Variants in GREM2 observed in about 807,000 individuals in gnomAD.
GREM2 encodes the protein gremlin 2, DAN family BMP antagonist.
Under a neutral mutation model 14.2 loss-of-function variants are expected in GREM2, and 11 were observed. The ratio of observed to expected loss-of-function variants is 0.78; its 90% CI spans 0.49 to 1.28. The LOEUF is 1.28. GREM2 is among the 50% of genes most tolerant of loss of function. GREM2 has a pLI of 0.00. For synonymous variants in GREM2, 98 were observed against 97.6 expected, an observed-to-expected ratio of 1.00 and a Z score of -0.02; for missense variants, 210 against 218.5, an observed-to-expected ratio of 0.96 and a Z score of 0.24.
chr1:240,571,565 A>T (rs373382094), intron 1 of GREM2, among the ~76,000 whole-genome samples: 3 of 152,190 alleles, frequency 2.0e-5, no homozygotes, highest in Admixed American at 1.3e-4. Flanking sequence ...GCATGGTGGC[A>T]GGTGCCTGTA....
intron 1 of GREM2, among the ~76,000 whole-genome samples, chr1:240,520,364 AC>A (rs1346343931): frequency 6.6e-6 from 1 of 152,112 alleles, no homozygotes; most frequent in Non-Finnish European, 1.5e-5. Context: ...ACAAATAACC[AC>A]CTCAACCTTT....
At chr1:240,530,599 T>C (rs191812314) in intron 1 of GREM2, 1 of 152,210 alleles carries the variant, frequency 6.6e-6, no homozygotes, top group African/African-American at 2.4e-5. Context: ...AGGAATTACA[T>C]AGAGTTATAA....
intron 1 of GREM2, among the ~76,000 whole-genome samples, chr1:240,611,458 T>G (rs145927221): frequency 6.2e-4 from 94 of 152,258 alleles, no homozygotes; most frequent in African/African-American, 1.9e-3. Flanking sequence ...TGGTTCCTAT[T>G]CCTGTAGGGA....
chr1:240,580,824 T>C (rs10802891), intron 1 of GREM2, among the ~76,000 whole-genome samples: 46,504 of 152,146 alleles, frequency 0.31, 8,846 homozygotes, highest in African/African-American at 0.54. Flanking sequence ...CCTCCTGCCT[T>C]GGACTCCCCA....
rs960704498 is a variant in GREM2, at chr1:240,612,088, G to T, written c.-206C>A. 2 of 152,702 alleles carry T rather than the reference G, an allele frequency of 1.3e-5. No homozygotes were observed. The highest frequency in any genetic ancestry group is 4.8e-5 in the African/African-American group (2 of 41,470). 9.5% of individuals were successfully genotyped at this position (152,702 alleles called of 1,614,324 possible). ...GAGGGTGCAGGAGAGGCGAGAGCGC[G>T]CCCCGCGCCGCGCGGTCCCAGGCTG... On this transcript the variant is annotated 5_prime_UTR_variant, in exon 1 of 2. Transcript: ENST00000318160.
intron 1 of GREM2, among the ~76,000 whole-genome samples, chr1:240,600,928 G>A (rs905326073): frequency 1.3e-5 from 2 of 152,158 alleles, no homozygotes; most frequent in Non-Finnish European, 2.9e-5. Flanking sequence ...TGTTTAGAGT[G>A]CTTGATTAGC....
intron 1 of GREM2, among the ~76,000 whole-genome samples, chr1:240,572,332 C>A (rs1333512405): frequency 1.3e-5 from 2 of 152,164 alleles, no homozygotes; most frequent in African/African-American, 4.8e-5. Flanking sequence ...TTAATCACCT[C>A]TAAAGTGATA....
At position 240,554,872 on chromosome 1, in the gene GREM2, G is replaced by A. The variant is rs146739471; in HGVS notation, c.-2+57012C>T. Among the ~76,000 whole-genome samples, 1,110 of 152,200 alleles carry A rather than the reference G, an allele frequency of 7.3e-3. 18 individuals carry two copies. Among genetic ancestry groups the A allele is most frequent in the African/African-American group, 0.025 (1,043 of 41,520 alleles). On this transcript the variant is annotated intron_variant, in intron 1 of 1. Coordinates refer to ENST00000318160, the MANE Select transcript of GREM2 (RefSeq NM_022469.4). Reference sequence around the variant, plus strand: ...TAATTTAAGAATTGTGGGTGGGTGCGGTGGCTCACGCCTGTAATTCCAGCA... The same window carrying A: ...TAATTTAAGAATTGTGGGTGGGTGCAGTGGCTCACGCCTGTAATTCCAGCA...
At chr1:240,494,543 A>G (rs1677361476) in intron 1 of GREM2, among the ~76,000 whole-genome samples, 1 of 152,246 alleles carries the variant, frequency 6.6e-6, no homozygotes, top group South Asian at 2.1e-4. Flanking sequence ...GAATAATAAC[A>G]TTAGCATTTA....
intron 1 of GREM2, among the ~76,000 whole-genome samples, 184 bp downstream of exon 1, chr1:240,611,700 C>T (rs1219844425): frequency 2.0e-5 from 3 of 152,140 alleles, no homozygotes; most frequent in Admixed American, 2.0e-4. Flanking sequence ...GTGAATAAAC[C>T]TTGTGGCCCC....
At chr1:240,522,753 T>C (rs957186411) in intron 1 of GREM2, among the ~76,000 whole-genome samples, 1 of 152,220 alleles carries the variant, frequency 6.6e-6, no homozygotes, top group Non-Finnish European at 1.5e-5. Flanking sequence ...CACTCTATTG[T>C]TTGGAGTTCC....
chr1:240,497,848 A>T (rs1464586029), intron 1 of GREM2, among the ~76,000 whole-genome samples: 2 of 152,136 alleles, frequency 1.3e-5, no homozygotes, highest in African/African-American at 4.8e-5. Flanking sequence ...TATTTGTGGA[A>T]TGATTTGTGA....
chr1:240,536,640 CG>C (rs1274240115), intron 1 of GREM2, among the ~76,000 whole-genome samples: 2 of 142,366 alleles, frequency 1.4e-5, no homozygotes, highest in South Asian at 2.2e-4. Context: ...AAAATGGCAG[CG>C]GGGGCTGTAG....
intron 1 of GREM2, among the ~76,000 whole-genome samples, chr1:240,597,848 C>T (rs1038316298): frequency 4.6e-5 from 7 of 152,094 alleles, no homozygotes; most frequent in African/African-American, 1.7e-4. Flanking sequence ...CATGCACCCC[C>T]GAAACATTTT....
intron 1 of GREM2, among the ~76,000 whole-genome samples, chr1:240,502,965 T>C (rs1677602803): frequency 1.3e-5 from 2 of 152,190 alleles, no homozygotes; most frequent in African/African-American, 4.8e-5. Flanking sequence ...GAAAAGTTTT[T>C]ATTCCCTGAT....
chr1:240,574,632 C>T (rs16840396), intron 1 of GREM2, among the ~76,000 whole-genome samples: 7,525 of 151,954 alleles, frequency 0.05, 457 homozygotes, highest in African/African-American at 0.14. Context: ...CAAAGTAGGA[C>T]CTGGAATTAC....
intron 1 of GREM2, chr1:240,530,317 C>T (rs182351521): frequency 4.6e-5 from 7 of 152,328 alleles, no homozygotes; most frequent in Non-Finnish European, 1.0e-4. Context: ...AAGTATCTCA[C>T]TGGACTAGCA....
intron 1 of GREM2, among the ~76,000 whole-genome samples, chr1:240,567,453 C>T (rs148965472): frequency 0.011 from 1,630 of 151,940 alleles, 43 homozygotes; most frequent in African/African-American, 0.038. Context: ...TAAAAAAACA[C>T]ATTATATACA....
At chr1:240,598,174 G>C (rs1350213951) in intron 1 of GREM2, among the ~76,000 whole-genome samples, 1 of 152,190 alleles carries the variant, frequency 6.6e-6, no homozygotes, top group East Asian at 1.9e-4. Context: ...AATTAGGAAT[G>C]CATACTGGTT....
Sources: gnomAD v4.1 joint callset for allele counts (sites outside exome capture counted in the v4.1 genomes callset) on GRCh38, gnomAD v4.1.1 for gene constraint, MANE v1.5 for transcripts, NCBI Gene and HGNC (gene_info 2026-07-23, HGNC 2026-07-21) for gene names.